The following WDR47 variants were observed in gnomAD, a reference collection of about 807,000 sequenced individuals.
The protein encoded by WDR47 is WD repeat-containing protein 47.
WDR47 carries 32 observed loss-of-function variants against 97.2 expected under a neutral mutation model. That is an observed-to-expected ratio of 0.33 (90% CI 0.25 to 0.44). WDR47 has a LOEUF of 0.44. Among genes scored for constraint, WDR47 ranks in the 20% least tolerant of loss-of-function variants. The pLI, the probability that WDR47 is intolerant of heterozygous loss-of-function variation, is 1.00. For missense variants in WDR47, 782 were observed against 1,102.3 expected, an observed-to-expected ratio of 0.71 and a Z score of 4.11; for synonymous variants, 375 against 373.5, an observed-to-expected ratio of 1.00 and a Z score of -0.05.
intron 1 of WDR47, among the ~76,000 whole-genome samples, chr1:109,024,534 T>C (rs1353073874): frequency 1.3e-5 from 2 of 152,198 alleles, no homozygotes; most frequent in Non-Finnish European, 2.9e-5. Context: ...AGCTTCCTTC[T>C]AACTCTTACC....
chr1:109,034,314 A>T (rs1662790624), intron 1 of WDR47, among the ~76,000 whole-genome samples: 1 of 152,206 alleles, frequency 6.6e-6, no homozygotes. Flanking sequence ...AATGTAGACT[A>T]CCCAATTCCA....
At chr1:109,020,064 T>C (rs1294475862) in intron 2 of WDR47, among the ~76,000 whole-genome samples, 2 of 151,838 alleles carry the variant, frequency 1.3e-5, no homozygotes, top group Non-Finnish European at 1.5e-5. Context: ...AAGGGCAATA[T>C]AGCAAGATCC....
At chr1:109,040,803 G>A (rs1212411255) in intron 1 of WDR47, among the ~76,000 whole-genome samples, 2 of 151,900 alleles carry the variant, frequency 1.3e-5, no homozygotes, top group African/African-American at 4.8e-5. Context: ...TGCCAACACT[G>A]GAGACAAAAA....
intron 11 of WDR47, 31 bp downstream of exon 11, chr1:108,983,251 G>A: frequency 6.4e-7 from 1 of 1,563,614 alleles, no homozygotes; most frequent in Non-Finnish European, 8.7e-7. Context: ...ACACTGGTAA[G>A]CTAGCTACTG....
At chr1:109,026,349 CT>C (rs57431054) in intron 1 of WDR47, among the ~76,000 whole-genome samples, 142,834 of 145,790 alleles carry the variant, frequency 0.98, 69,996 homozygotes, top group South Asian at 1. Flanking sequence ...CCGTGCCCAC[CT>C]TTTTTTTTTT....
intron 13 of WDR47, among the ~76,000 whole-genome samples, chr1:108,977,984 C>CA (rs953176965): frequency 0.025 from 2,637 of 105,710 alleles, 52 homozygotes; most frequent in South Asian, 0.066. Flanking sequence ...AACACTCTCT[C>CA]AAAAAAAAAA....
chr1:109,019,743 G>A (rs945292495), intron 2 of WDR47, among the ~76,000 whole-genome samples: 1 of 152,164 alleles, frequency 6.6e-6, no homozygotes, highest in Non-Finnish European at 1.5e-5. Flanking sequence ...TTTACACTGA[G>A]AATGAAAACA....
At chr1:109,019,960 G>C (rs970411818) in intron 2 of WDR47, among the ~76,000 whole-genome samples, 3 of 152,062 alleles carry the variant, frequency 2.0e-5, no homozygotes, top group Non-Finnish European at 2.9e-5. Flanking sequence ...ATTAATAAAA[G>C]CAAGATGGGC....
chr1:108,990,486 G>C (rs566383877), intron 9 of WDR47, among the ~76,000 whole-genome samples: 9 of 152,260 alleles, frequency 5.9e-5, no homozygotes, highest in Non-Finnish European at 4.4e-5. Flanking sequence ...TGGGATTACA[G>C]GTGTGAGCCA....
chr1:108,989,048 C>T (rs1054954926), intron 9 of WDR47, among the ~76,000 whole-genome samples: 1 of 152,120 alleles, frequency 6.6e-6, no homozygotes, highest in African/African-American at 2.4e-5. Context: ...TGAGCCACCA[C>T]GCCTAGCCTC....
At chr1:108,978,123 G>A (rs1409151040) in intron 13 of WDR47, among the ~76,000 whole-genome samples, 2 of 149,462 alleles carry the variant, frequency 1.3e-5, no homozygotes, top group African/African-American at 5.0e-5. Flanking sequence ...ATTTCTACAT[G>A]AAATTTCATA....
chr1:109,020,457 T>G (rs923705385), intron 2 of WDR47, among the ~76,000 whole-genome samples: 1 of 150,992 alleles, frequency 6.6e-6, no homozygotes, highest in Non-Finnish European at 1.5e-5. Context: ...AGACGGGGGG[T>G]TTCACCGCAT....
intron 1 of WDR47, among the ~76,000 whole-genome samples, chr1:109,031,381 G>A (rs1032595749): frequency 7.1e-6 from 1 of 139,904 alleles, no homozygotes. Flanking sequence ...ACTGTATGTT[G>A]TATACATGCA....
chr1:109,021,737 G>A (rs1310101741), intron 2 of WDR47, among the ~76,000 whole-genome samples: 4 of 152,050 alleles, frequency 2.6e-5, no homozygotes, highest in East Asian at 1.9e-4. Flanking sequence ...ACGTTGGCCA[G>A]GCTGGTCTCG....
Position 108,970,361 on chromosome 1 carries a change from T to C in WDR47, c.*1069A>G, listed in dbSNP as rs1657366054. On this transcript the variant is annotated 3_prime_UTR_variant, in exon 15 of 15. Coordinates refer to ENST00000369962, the MANE Select transcript of WDR47 (RefSeq NM_001142551.2). ...AGAACTAATACAACTGCATTTGAAA[T>C]AAATAAAATAGCCTATTTAAATAAT... is the stretch of plus-strand genomic sequence containing the variant. 1 of 152,494 alleles carries C rather than the reference T, an allele frequency of 6.6e-6. No homozygotes were observed. Among genetic ancestry groups the C allele is most frequent in the African/African-American group, 2.4e-5 (1 of 41,370 alleles). The allele number at this position is 152,494 out of a possible 1,614,324, so 9.4% of individuals were successfully genotyped here. A position where few individuals can be genotyped will look rare whatever the true frequency, so the allele number is the denominator to read the frequency against.
At chr1:109,011,917 T>C (rs1661058814) in intron 4 of WDR47, among the ~76,000 whole-genome samples, 199 bp from the exon 5 acceptor site, 1 of 152,188 alleles carries the variant, frequency 6.6e-6, no homozygotes, top group Admixed American at 6.5e-5. Context: ...ATTAGTACAT[T>C]AAACTTTTAT....
rs552794992 is a variant in WDR47 at position 108,994,206 on chromosome 1, G to T, written c.1691+1374C>A. On this transcript the variant is annotated intron_variant, in intron 8 of 14. Coordinates refer to ENST00000369962, the MANE Select transcript of WDR47 (RefSeq NM_001142551.2). ...AGGTCAGGAGTTCGAGACCAGCCTG[G>T]CCAACATGGTGAAACCCTGTCTCTA... Among the ~76,000 whole-genome samples, 6 of 152,206 alleles carry T rather than the reference G, an allele frequency of 3.9e-5. No individual in the cohort carries two copies. The South Asian group carries it at 1.2e-3, about 32-fold the overall frequency.
intron 6 of WDR47, among the ~76,000 whole-genome samples, chr1:109,003,411 T>C (rs1425223799): frequency 6.6e-6 from 1 of 152,162 alleles, no homozygotes; most frequent in Non-Finnish European, 1.5e-5. Flanking sequence ...TGCATTGCTA[T>C]AAAGAAATAT....
At chr1:109,002,440 A>C in intron 6 of WDR47, 38 bp from the exon 7 acceptor site, 1 of 1,451,978 alleles carries the variant, frequency 6.9e-7, no homozygotes, top group Non-Finnish European at 9.2e-7. Context: ...TATTTGAGCA[A>C]ACTATGACAG....
Sources: gnomAD v4.1 joint callset for allele counts (sites outside exome capture counted in the v4.1 genomes callset) on GRCh38, gnomAD v4.1.1 for gene constraint, MANE v1.5 for transcripts, NCBI Gene and HGNC (gene_info 2026-07-23, HGNC 2026-07-21) for gene names.